The following NHP2 variants were observed in gnomAD, a reference collection of about 807,000 sequenced individuals.
NHP2 encodes the protein H/ACA ribonucleoprotein complex subunit 2.
A neutral mutation model predicts 16.7 loss-of-function variants in NHP2; 10 were observed. That is an observed-to-expected ratio of 0.60 (90% confidence interval 0.37 to 1.01). NHP2 has a LOEUF of 1.01. Ranked by LOEUF, NHP2 falls within the 50% of genes least tolerant of loss-of-function variation. The probability of loss-of-function intolerance (pLI) is 0.01; values close to 1 mark genes in which losing one functional copy is unlikely to be tolerated. For missense variants in NHP2, 184 were observed against 198.3 expected, an observed-to-expected ratio of 0.93 and a Z score of 0.43; for synonymous variants, 87 against 78.9, an observed-to-expected ratio of 1.10 and a Z score of -0.54.
At position 178,153,580 on chromosome 5, in the gene NHP2, G is replaced by A; in HGVS notation, c.161-20C>T. On this transcript the variant is annotated intron_variant, in intron 1 of 3. Transcript: ENST00000274606. Reference sequence around the variant, plus strand: ...TCACCGCTGCAACGACAGAAGAGTCGGTCGGGGGCCTCGCTCAGCCACCCG... The same window carrying A: ...TCACCGCTGCAACGACAGAAGAGTCAGTCGGGGGCCTCGCTCAGCCACCCG... 1 of 1,613,448 alleles carries A rather than the reference G, an allele frequency of 6.2e-7. No homozygotes were observed. The highest frequency in any genetic ancestry group is 8.5e-7 in the Non-Finnish European group (1 of 1,179,358).
At chr5:178,153,220 G>C (rs1374658408) in intron 2 of NHP2, 12 of 532,978 alleles carry the variant, frequency 2.3e-5, no homozygotes. Context: ...CGGAGCCCGG[G>C]GAGGAGGGTC....
rs1561644285 is a variant in NHP2, at chr5:178,151,012, CTG to C, written c.231-21_231-20del. The C allele has an allele frequency of 4.4e-6, 7 of 1,586,856 alleles. No individual in the cohort carries two copies. Among genetic ancestry groups the C allele is most frequent in the African/African-American group, 1.3e-5 (1 of 74,432 alleles). ...CATGATCCTGAAATGAGAGAAAACA[CTG>C]TCATCTCTGGCTTGCTCCTTCCTTC... On this transcript the variant is annotated intron_variant, in intron 2 of 3. Coordinates refer to ENST00000274606, the MANE Select transcript of NHP2 (RefSeq NM_017838.4).
Position 178,153,640 on chromosome 5 carries a change from C to T in NHP2, c.160+18G>A. On this transcript the variant is annotated intron_variant, in intron 1 of 3. Coordinates refer to ENST00000274606, the MANE Select transcript of NHP2 (RefSeq NM_017838.4). ...CCCACCCGCGCACCCATCCCGGCCA[C>T]GCCGCCGTCCGCCTCACCTTTCTTG... The T allele has an allele frequency of 2.5e-6, 4 of 1,613,798 alleles. No individual in the cohort carries two copies. The highest frequency in any genetic ancestry group is 3.4e-6 in the Non-Finnish European group (4 of 1,179,808).
Position 178,149,770 on chromosome 5 carries a change from G to A in NHP2, c.405C>T (p.Tyr135=). The A allele has an allele frequency of 6.2e-7, 1 of 1,614,076 alleles. No individual in the cohort carries two copies. The change falls in exon 4 of 4, where the codon TAC becomes TAT. Residue 135 remains tyrosine, a synonymous_variant. Transcript: ENST00000274606. ...CVIMVKPHEE[Y]QEAYDECLEE... ...CCAGGCACTCATCGTAAGCCTCCTG[G>A]TACTCCTCATGGGGCTTGACCATTA...
Position 178,150,889 on chromosome 5 carries a change from G to C in NHP2, c.335C>G (p.Thr112Arg). The C allele has an allele frequency of 6.2e-7, 1 of 1,608,168 alleles. No individual in the cohort carries two copies. Among genetic ancestry groups the C allele is most frequent in the Non-Finnish European group, 8.5e-7 (1 of 1,174,576 alleles). ...NLPYVYIPSK[T>R]DLGAAAGSKR... is the part of the protein sequence containing the mutation. ...GTCAGGGGGCCACGTGCTCCTTACC[G>C]TCTTAGAGGGGATATAGACATAGGG... The change falls in exon 3 of 4, where the codon ACG becomes AGG. Residue 112 changes from threonine to arginine, a missense_variant and splice_region_variant. Transcript: ENST00000274606.
At chr5:178,153,188 G>A (rs1371978425) in intron 2 of NHP2, 5 of 467,718 alleles carry the variant, frequency 1.1e-5, no homozygotes, top group African/African-American at 7.9e-5. Context: ...GGCGGGGGCC[G>A]GAGGTAATCT....
chr5:178,152,439 C>A (rs536144258), intron 2 of NHP2, among the ~76,000 whole-genome samples: 1 of 151,700 alleles, frequency 6.6e-6, no homozygotes, highest in East Asian at 1.9e-4. Flanking sequence ...GGGAAACTTC[C>A]CCAGATGCGC....
At position 178,153,859 on chromosome 5, in the gene NHP2, C is replaced by G. The variant is rs1262720705; in HGVS notation, c.-42G>C. The G allele has an allele frequency of 1.9e-6, 3 of 1,579,812 alleles. No individual in the cohort carries two copies. The highest frequency in any genetic ancestry group is 2.6e-6 in the Non-Finnish European group (3 of 1,163,018). On this transcript the variant is annotated 5_prime_UTR_variant, in exon 1 of 4. Transcript: ENST00000274606. Reference sequence around the variant, plus strand: ...ACCTAGTCCCAGGGAGGCGAGCCCACGCGGTCCACAGCTTTAGGCATCACT... The same window carrying G: ...ACCTAGTCCCAGGGAGGCGAGCCCAGGCGGTCCACAGCTTTAGGCATCACT...
chr5:178,153,482 G>T lies in NHP2; in HGVS notation c.230+9C>A, dbSNP rs893913020. On this transcript the variant is annotated intron_variant, in intron 2 of 3. Coordinates refer to ENST00000274606, the MANE Select transcript of NHP2 (RefSeq NM_017838.4). ...GAAATGCAAAATCCAGAGGAAGGAA[G>T]GTTCTTACCCTTTTTCTCCTTTGTT... The T allele has an allele frequency of 5.0e-6, 8 of 1,613,810 alleles. No homozygotes were observed. Among genetic ancestry groups the T allele is most frequent in the Non-Finnish European group, 5.9e-6 (7 of 1,179,726 alleles).
At chr5:178,153,205 A>C in intron 2 of NHP2, 2 of 495,830 alleles carry the variant, frequency 4.0e-6, no homozygotes, top group Non-Finnish European at 7.4e-6. Context: ...ATCTGAGGCA[A>C]GGAGCGGAGC....
rs1409603740 is a variant in NHP2 at position 178,149,654 on chromosome 5, C to G, written c.*59G>C. ...GTGGGTGGGCAGGAGGACAGCCAGT[C>G]GTCCTGCTGCCAGCCCAATAGCTTC... On this transcript the variant is annotated 3_prime_UTR_variant, in exon 4 of 4. Transcript: ENST00000274606. 3 of 1,607,430 alleles carry G rather than the reference C, an allele frequency of 1.9e-6. No homozygotes were observed. The highest frequency in any genetic ancestry group is 1.3e-5 in the African/African-American group (1 of 74,782).
Position 178,149,707 on chromosome 5 carries a change from A to T in NHP2, c.*6T>A, listed in dbSNP as rs369301843. 2.5e-4 allele frequency: 408 copies of T among 1,613,200 alleles called. No homozygotes were observed. Among genetic ancestry groups the T allele is most frequent in the Non-Finnish European group, 3.3e-4 (395 of 1,179,934 alleles). ...GCGGCAGGTGCCCAGGTGCTACCGG[A>T]GCCCCTCATAGGGGTAGGGGCAGGG... is the stretch of plus-strand genomic sequence containing the variant. On this transcript the variant is annotated 3_prime_UTR_variant, in exon 4 of 4. Coordinates refer to ENST00000274606, the MANE Select transcript of NHP2 (RefSeq NM_017838.4).
intron 3 of NHP2, chr5:178,150,257 T>TG (rs1756234514): frequency 4.6e-6 from 1 of 217,034 alleles, no homozygotes; most frequent in Admixed American, 5.2e-5. Context: ...TTTATTCTCA[T>TG]AGTCCACAGA....
chr5:178,150,860 CA>C (rs1756258624), intron 3 of NHP2, 27 bp downstream of exon 3: 1 of 1,451,022 alleles, frequency 6.9e-7, no homozygotes, highest in African/African-American at 1.4e-5. Flanking sequence ...CAGTGCTGAG[CA>C]AGGTCAGGGG....
Position 178,149,758 on chromosome 5 carries a change from G to A in NHP2, c.417C>T (p.Tyr139=), listed in dbSNP as rs567317314. 2.7e-5 allele frequency: 43 copies of A among 1,613,952 alleles called. No individual in the cohort carries two copies. Among genetic ancestry groups the A allele is most frequent in the Middle Eastern group, 1.6e-4 (1 of 6,076 alleles). The part of the protein sequence containing the change: ...VKPHEEYQEA[Y]DECLEEVQSL... ...ACTGCACCTCCTCCAGGCACTCATCGTAAGCCTCCTGGTACTCCTCATGGG... is the reference window on the plus strand; with the variant it reads ...ACTGCACCTCCTCCAGGCACTCATCATAAGCCTCCTGGTACTCCTCATGGG... The change falls in exon 4 of 4, where the codon TAC becomes TAT. Residue 139 remains tyrosine (Y), a synonymous_variant. Transcript: ENST00000274606.
rs550604422 is a variant in NHP2, at chr5:178,153,211, G to C, written c.230+280C>G. On this transcript the variant is annotated intron_variant, in intron 2 of 3. Coordinates refer to ENST00000274606, the MANE Select transcript of NHP2 (RefSeq NM_017838.4). ...CCGGAGGTAATCTGAGGCAAGGAGC[G>C]GAGCCCGGGGAGGAGGGTCCCTGAA... 1.0e-3 allele frequency: 511 copies of C among 510,332 alleles called. 8 individuals carry two copies. Among genetic ancestry groups the C allele is most frequent in the South Asian group, 6.5e-3 (314 of 48,502 alleles). The allele number at this position is 510,332 out of a possible 1,614,324, so 31.6% of individuals were successfully genotyped here.
Position 178,149,809 on chromosome 5 carries a change from G to T in NHP2, c.366C>A (p.Arg122=). 1 of 1,613,902 alleles carries T rather than the reference G, an allele frequency of 6.2e-7. No homozygotes were observed. ...TDLGAAAGSK[R]PTCVIMVKPH... is the part of the protein sequence containing the mutation. ...GCTTGACCATTATCACACAGGTGGG[G>T]CGCTTGGAGCCTGCGGCTGCACCCA... Residue 122 remains arginine (R), a synonymous_variant, in exon 4 of 4, where the codon CGC becomes CGA. Coordinates refer to ENST00000274606, the MANE Select transcript of NHP2 (RefSeq NM_017838.4).
intron 2 of NHP2, 89 bp downstream of exon 2, chr5:178,153,400 CAG>C (rs1344608904): frequency 7.5e-7 from 1 of 1,335,002 alleles, no homozygotes; most frequent in Non-Finnish European, 1.1e-6. Context: ...GGGGCTAGGT[CAG>C]AGTTAACCTT....
At chr5:178,153,598 G>GCCACCCGCGCACCCATC (rs755303285) in intron 1 of NHP2, 38 bp from the exon 2 acceptor site, 771 of 1,613,698 alleles carry the variant, frequency 4.8e-4, no homozygotes, top group Non-Finnish European at 6.0e-4. Flanking sequence ...GCCTCGCTCA[G>GCCACCCGCGCACCCATC]CCACCCGCGC....
Sources: gnomAD v4.1 joint callset for allele counts (sites outside exome capture counted in the v4.1 genomes callset) on GRCh38, gnomAD v4.1.1 for gene constraint, MANE v1.5 for transcripts, NCBI Gene and HGNC (gene_info 2026-07-23, HGNC 2026-07-21) for gene names.